Variants in EIF3F observed in about 807,000 individuals in gnomAD.
The protein encoded by EIF3F is deubiquitinating enzyme eIF3f.
A neutral mutation model predicts 36.0 loss-of-function variants in EIF3F; 8 were observed. The ratio of observed to expected loss-of-function variants is 0.22; its 90% CI spans 0.13 to 0.40. EIF3F has a LOEUF of 0.40. Ranked by LOEUF, EIF3F falls within the 10% of genes least tolerant of loss-of-function variation. EIF3F has a pLI of 1.00. For missense variants in EIF3F, 430 were observed against 467.6 expected (o/e 0.92, Z 0.74); for synonymous variants, 184 against 188.5 (o/e 0.98, Z 0.19).
At position 7,993,104 on chromosome 11, in the gene EIF3F, C is replaced by A. The variant is rs181448105; in HGVS notation, c.653+80C>A. ...CCCCCACCCCAAGCAAGGTTAATTC[C>A]TTCCATGTGTAACTTGCTGTGTCCT... is the stretch of plus-strand genomic sequence containing the variant. On this transcript the variant is annotated intron_variant, in intron 4 of 7. Coordinates refer to ENST00000651655, the MANE Select transcript of EIF3F (RefSeq NM_003754.3). 14 of 1,460,624 alleles carry A rather than the reference C, an allele frequency of 9.6e-6. No individual in the cohort carries two copies. The South Asian group carries it at 2.0e-4, about 20-fold the overall frequency. 90.5% of individuals were successfully genotyped at this position (1,460,624 alleles called of 1,614,324 possible). A position where few individuals can be genotyped will look rare whatever the true frequency, so the allele number is the denominator to read the frequency against.
chr11:8,000,599 T>C lies in EIF3F; in HGVS notation c.*4577T>C, dbSNP rs529834092. 7.3e-4 allele frequency: 111 copies of C among 152,340 alleles called. 1 individual carries two copies. Among genetic ancestry groups the C allele is most frequent in the African/African-American group, 2.5e-3 (106 of 41,588 alleles). The allele number at this position is 152,340 out of a possible 1,614,324, so 9.4% of individuals were successfully genotyped here. A position where few individuals can be genotyped will look rare whatever the true frequency, so the allele number is the denominator to read the frequency against. ...TTGATTGTGGTAATCAATTTCGCAA[T>C]GTGTACATATATCAAAACATCACAT... On this transcript the variant is annotated 3_prime_UTR_variant, in exon 8 of 8. Coordinates refer to ENST00000651655, the MANE Select transcript of EIF3F (RefSeq NM_003754.3).
intron 3 of EIF3F, chr11:7,992,512 C>T: frequency 2.4e-6 from 1 of 419,662 alleles, no homozygotes; most frequent in Non-Finnish European, 4.3e-6. Flanking sequence ...TTTGAAGTTG[C>T]AGTGAGCTAT....
At chr11:7,995,565 T>A in intron 7 of EIF3F, 198 bp downstream of exon 7, 2 of 609,500 alleles carry the variant, frequency 3.3e-6, no homozygotes, top group South Asian at 2.0e-5. Context: ...CCTTCTCCCA[T>A]GATTCCATTG....
intron 4 of EIF3F, among the ~76,000 whole-genome samples, chr11:7,994,078 T>G (rs186569461): frequency 1.3e-4 from 20 of 152,282 alleles, no homozygotes; most frequent in African/African-American, 3.9e-4. Context: ...CGAAAAGATT[T>G]GTCTCTGTCT....
rs1300620469 is a variant in EIF3F, at chr11:7,996,624, T to C, written c.*602T>C. The C allele has an allele frequency of 6.6e-6, 1 of 152,360 alleles. No homozygotes were observed. The highest frequency in any genetic ancestry group is 1.5e-5 in the Non-Finnish European group (1 of 68,168). The allele number at this position is 152,360 out of a possible 1,614,324, so 9.4% of individuals were successfully genotyped here. ...TCGAGGATAGAGCCTTGAGTTATAC[T>C]GAGGTCTGCCAGTGGCTCAATTTAA... On this transcript the variant is annotated 3_prime_UTR_variant, in exon 8 of 8. Coordinates refer to ENST00000651655, the MANE Select transcript of EIF3F (RefSeq NM_003754.3).
intron 4 of EIF3F, among the ~76,000 whole-genome samples, chr11:7,993,472 C>T (rs1942122721): frequency 6.6e-6 from 1 of 152,106 alleles, no homozygotes; most frequent in African/African-American, 2.4e-5. Context: ...TTTATTAACC[C>T]AGGATTGAGT....
intron 4 of EIF3F, among the ~76,000 whole-genome samples, chr11:7,993,995 CTT>C (rs1255293029): frequency 1.3e-5 from 2 of 152,154 alleles, no homozygotes; most frequent in East Asian, 3.9e-4. Flanking sequence ...AGTGAGATGA[CTT>C]ATAGCACCCA....
intron 1 of EIF3F, among the ~76,000 whole-genome samples, chr11:7,988,794 A>T (rs557731437): frequency 1.3e-5 from 2 of 152,316 alleles, no homozygotes; most frequent in South Asian, 4.1e-4. Context: ...TTCTGTCAGG[A>T]GCTACTTTAG....
Position 7,996,922 on chromosome 11 carries a change from C to G in EIF3F, c.*900C>G, listed in dbSNP as rs1056092929. On this transcript the variant is annotated 3_prime_UTR_variant, in exon 8 of 8. Transcript: ENST00000651655. ...AGAGTCATAAGATATGGATCATAAA[C>G]ATACATAGTCCATTAGGGTATTATG... The G allele has an allele frequency of 6.6e-6, 1 of 152,180 alleles. No individual in the cohort carries two copies. Among genetic ancestry groups the G allele is most frequent in the Non-Finnish European group, 1.5e-5 (1 of 68,030 alleles). The allele number at this position is 152,180 out of a possible 1,614,324, so 9.4% of individuals were successfully genotyped here. A position where few individuals can be genotyped will look rare whatever the true frequency, so the allele number is the denominator to read the frequency against.
chr11:7,995,229 A>G (rs910785976), intron 6 of EIF3F, 25 bp from the exon 7 acceptor site: 1 of 1,610,766 alleles, frequency 6.2e-7, no homozygotes, highest in Non-Finnish European at 8.5e-7. Flanking sequence ...TAACTGCCTC[A>G]TCGAGTCTTT....
rs774835186 is a variant in EIF3F, at chr11:7,987,724, G to A, written c.364+8G>A. 13 of 1,502,444 alleles carry A rather than the reference G, an allele frequency of 8.7e-6. No homozygotes were observed. Among genetic ancestry groups the A allele is most frequent in the Non-Finnish European group, 1.2e-5 (13 of 1,126,028 alleles). 93.1% of individuals were successfully genotyped at this position (1,502,444 alleles called of 1,614,324 possible). ...TTATCGGGACCCTGTTGGGTGAGTG[G>A]TCAGAGAAAGTTAACATTCTTTTCT... On this transcript the variant is annotated splice_region_variant and intron_variant, in intron 1 of 7. Coordinates refer to ENST00000651655, the MANE Select transcript of EIF3F (RefSeq NM_003754.3).
chr11:7,997,949 G>A lies in EIF3F; in HGVS notation c.*1927G>A, dbSNP rs1942179095. The A allele has an allele frequency of 6.6e-6, 1 of 152,204 alleles. No homozygotes were observed. Among genetic ancestry groups the A allele is most frequent in the Non-Finnish European group, 1.5e-5 (1 of 68,044 alleles). 9.4% of individuals were successfully genotyped at this position (152,204 alleles called of 1,614,324 possible). A position where few individuals can be genotyped will look rare whatever the true frequency, so the allele number is the denominator to read the frequency against. ...TATTCGGTATTATAAGTAATCTAGA[G>A]ATGACTTAAAAGTATATGAGAAGGT... On this transcript the variant is annotated 3_prime_UTR_variant, in exon 8 of 8. Transcript: ENST00000651655.
chr11:7,990,969 C>G (rs1354572360), intron 1 of EIF3F, among the ~76,000 whole-genome samples: 2 of 152,018 alleles, frequency 1.3e-5, no homozygotes, highest in East Asian at 3.9e-4. Flanking sequence ...CTGAGGCAGG[C>G]AGATCACTTG....
intron 3 of EIF3F, 155 bp downstream of exon 3, chr11:7,992,318 C>A: frequency 1.4e-6 from 1 of 692,712 alleles, no homozygotes; most frequent in Non-Finnish European, 2.4e-6. Context: ...TGCCTGTAAT[C>A]CCAGCTGGGA....
In EIF3F at chr11:7,991,794, A is replaced by G. The variant is rs1238929039; in HGVS notation, c.378A>G (p.Lys126=). Residue 126 remains lysine, a synonymous_variant, in exon 2 of 8, where the codon AAA becomes AAG. Coordinates refer to ENST00000651655, the MANE Select transcript of EIF3F (RefSeq NM_003754.3). ...VIGTLLGTVD[K]HSVEVTNCFS... is the part of the protein sequence containing the mutation. ...TCTCTTTCACAGGAACTGTCGACAA[A>G]CACTCAGTGGAGGTCACCAATTGCT... The G allele has an allele frequency of 1.2e-6, 2 of 1,614,090 alleles. No homozygotes were observed.
intron 1 of EIF3F, among the ~76,000 whole-genome samples, chr11:7,990,893 AAATAAAT>A (rs1490728634): frequency 3.3e-4 from 49 of 148,444 alleles, no homozygotes; most frequent in South Asian, 1.1e-3. Context: ...ATAAATAAAT[AAATAAAT>A]AAAAGAAATA....
At chr11:7,995,703 T>C (rs1186287117) in intron 7 of EIF3F, 3 of 595,866 alleles carry the variant, frequency 5.0e-6, no homozygotes, top group Non-Finnish European at 9.0e-6. Flanking sequence ...ACCCCCTATA[T>C]TCCATCCATG....
Position 8,000,254 on chromosome 11 carries a change from A to G in EIF3F, c.*4232A>G, listed in dbSNP as rs970428514. The G allele has an allele frequency of 3.3e-5, 5 of 152,286 alleles. No individual in the cohort carries two copies. Among genetic ancestry groups the G allele is most frequent in the South Asian group, 4.2e-4 (2 of 4,814 alleles). 9.4% of individuals were successfully genotyped at this position (152,286 alleles called of 1,614,324 possible). A position where few individuals can be genotyped will look rare whatever the true frequency, so the allele number is the denominator to read the frequency against. ...TACACAATGGAATATTATTAACCTT[A>G]AAAGAAGGAAATAACTGATTTACAA... On this transcript the variant is annotated 3_prime_UTR_variant, in exon 8 of 8. Transcript: ENST00000651655.
intron 1 of EIF3F, among the ~76,000 whole-genome samples, chr11:7,990,488 T>G (rs187929516): frequency 2.0e-4 from 31 of 151,780 alleles, no homozygotes; most frequent in South Asian, 1.7e-3. Context: ...GAACATTGAA[T>G]AAAAAGACAA....
Sources: allele counts gnomAD v4.1 joint callset (sites outside exome capture counted in the v4.1 genomes callset), GRCh38; gene constraint gnomAD v4.1.1; transcripts MANE v1.5; gene names NCBI Gene and HGNC (gene_info 2026-07-23, HGNC 2026-07-21).